TSR1: variants seen among roughly 807,000 people sequenced by gnomAD.
TSR1 encodes the protein pre-rRNA-processing protein TSR1 homolog.
Under a neutral mutation model 90.9 loss-of-function variants are expected in TSR1, and 81 were observed. That is an observed-to-expected ratio of 0.89 (90% CI 0.74 to 1.07). TSR1 has a LOEUF of 1.07. TSR1 is among the 50% of genes least tolerant of loss of function. The pLI is 0.00. For synonymous variants in TSR1, 362 were observed against 348.8 expected (o/e 1.04, Z -0.42); for missense variants, 989 against 987.3 (o/e 1.00, Z -0.02).
Position 2,324,250 on chromosome 17 carries a change from T to TA in TSR1, c.2360dup (p.Pro788ThrfsTer6). On this transcript the variant is annotated frameshift_variant, in exon 15 of 15. Coordinates refer to ENST00000301364, the MANE Select transcript of TSR1 (RefSeq NM_018128.5). LOFTEE classifies it high-confidence loss of function. ...AAGAAATCTCACTTTTCAGCCAGGG[T>TA]ACTGGTTCTGGTACATATGGATCAT... is the stretch of plus-strand genomic sequence containing the variant. 2 of 1,538,884 alleles carry TA rather than the reference T, an allele frequency of 1.3e-6. No homozygotes were observed. The highest frequency in any genetic ancestry group is 1.7e-6 in the Non-Finnish European group (2 of 1,148,890).
At chr17:2,331,508 A>G (rs1436896866) in intron 8 of TSR1, among the ~76,000 whole-genome samples, 1 of 145,800 alleles carries the variant, frequency 6.9e-6, no homozygotes, top group Non-Finnish European at 1.5e-5. Flanking sequence ...AGTTGTTTAA[A>G]GTGTGTAGCA....
chr17:2,330,481 C>CA (rs1216200740), intron 10 of TSR1, 34 bp downstream of exon 10: 6 of 1,593,206 alleles, frequency 3.8e-6, no homozygotes, highest in Non-Finnish European at 5.2e-6. Context: ...GAAAGTTTCA[C>CA]AACCCCCCAT....
At position 2,324,494 on chromosome 17, in the gene TSR1, G is replaced by A. The variant is rs1395360094; in HGVS notation, c.2236+10C>T. On this transcript the variant is annotated intron_variant, in intron 14 of 14. Coordinates refer to ENST00000301364, the MANE Select transcript of TSR1 (RefSeq NM_018128.5). ...ATGCAGACATGGTCTCAAATCCCGT[G>A]TTTCCTTACCTAAAGGTTCCTTGAT... 4 of 1,614,156 alleles carry A rather than the reference G, an allele frequency of 2.5e-6. No homozygotes were observed. Among genetic ancestry groups the A allele is most frequent in the South Asian group, 1.1e-5 (1 of 91,080 alleles).
At position 2,323,748 on chromosome 17, in the gene TSR1, A is replaced by G. The variant is rs769530524; in HGVS notation, c.*448T>C. The G allele has an allele frequency of 4.3e-6, 7 of 1,614,046 alleles. No homozygotes were observed. The African/African-American group carries it at 9.3e-5, about 22-fold the overall frequency. On this transcript the variant is annotated 3_prime_UTR_variant, in exon 15 of 15. Transcript: ENST00000301364. ...TGCTGTGCTGTCTCAACATTTTCAA[A>G]CTGTTTCCCCAGAAGTAAAGAACAT...
chr17:2,323,063 C>A lies in TSR1; in HGVS notation c.*1133G>T. On this transcript the variant is annotated 3_prime_UTR_variant, in exon 15 of 15. Transcript: ENST00000301364. ...TACAGGTGTGAGCCACCACACCAGG[C>A]CCATATTTTCTTTTAGACATGCAGG... is the stretch of plus-strand genomic sequence containing the variant. 1.4e-6 allele frequency: 2 copies of A among 1,480,904 alleles called. No homozygotes were observed. Among genetic ancestry groups the A allele is most frequent in the South Asian group, 1.2e-5 (1 of 86,940 alleles). 91.7% of individuals were successfully genotyped at this position (1,480,904 alleles called of 1,614,324 possible).
At position 2,334,799 on chromosome 17, in the gene TSR1, G is replaced by T; in HGVS notation, c.654C>A (p.Asp218Glu). 6.2e-7 allele frequency: 1 copy of T among 1,614,232 alleles called. No homozygotes were observed. Among genetic ancestry groups the T allele is most frequent in the Non-Finnish European group, 8.5e-7 (1 of 1,180,046 alleles). Residue 218 changes from aspartate to glutamate, a missense_variant, in exon 5 of 15, where the codon GAC (aspartate) becomes GAA (glutamate). Physicochemically the swap from Asp to Glu is conservative, Grantham distance 45 (BLOSUM62 2). Coordinates refer to ENST00000301364, the MANE Select transcript of TSR1 (RefSeq NM_018128.5). ...GTTGAGTGTCTAACAAGAGGAGTTT[G>T]TCATGCGGAAAGCGCTTCTCCACTG... ...SKAVEKRFPH[D>E]KLLLLDTQQE...
rs2075546497 is a variant in TSR1, at chr17:2,323,038, T to C, written c.*1158A>G. ...CCTCGGGCTCCCAAAGTGTTGGGAT[T>C]ACAGGTGTGAGCCACCACACCAGGC... On this transcript the variant is annotated 3_prime_UTR_variant, in exon 15 of 15. Transcript: ENST00000301364. 11 of 1,277,678 alleles carry C rather than the reference T, an allele frequency of 8.6e-6. No homozygotes were observed. In the South Asian group the frequency reaches 1.4e-4, roughly 16 times the overall value. 79.1% of individuals were successfully genotyped at this position (1,277,678 alleles called of 1,614,324 possible).
intron 11 of TSR1, among the ~76,000 whole-genome samples, chr17:2,327,219 A>G (rs1164617995): frequency 6.6e-5 from 10 of 151,976 alleles, no homozygotes. Flanking sequence ...GAGTTTGAGA[A>G]CAGACTGGCC....
rs185862100 is a variant in TSR1 at position 2,322,484 on chromosome 17, G to A, written c.*1712C>T. The A allele has an allele frequency of 7.7e-4, 117 of 152,262 alleles. No individual in the cohort carries two copies. Among genetic ancestry groups the A allele is most frequent in the African/African-American group, 2.7e-3 (111 of 41,518 alleles). 9.4% of individuals were successfully genotyped at this position (152,262 alleles called of 1,614,324 possible). A position where few individuals can be genotyped will look rare whatever the true frequency, so the allele number is the denominator to read the frequency against. On this transcript the variant is annotated 3_prime_UTR_variant, in exon 15 of 15. Transcript: ENST00000301364. Reference sequence around the variant, plus strand: ...GGAAGGCTCTTACTTGGGCAGAAATGTATTACTTATTGTGCCTATTTTCTT... The same window carrying A: ...GGAAGGCTCTTACTTGGGCAGAAATATATTACTTATTGTGCCTATTTTCTT...
intron 11 of TSR1, 83 bp from the exon 12 acceptor site, chr17:2,325,503 G>T: frequency 9.2e-7 from 1 of 1,088,446 alleles, no homozygotes; most frequent in Non-Finnish European, 1.3e-6. Flanking sequence ...CTGTATTAGT[G>T]CAACTCTTAA....
At chr17:2,336,257 G>A (rs2064078128) in intron 1 of TSR1, 74 bp downstream of exon 1, 1 of 1,593,564 alleles carries the variant, frequency 6.3e-7, no homozygotes, top group Non-Finnish European at 8.6e-7. Context: ...GGAGACAGAA[G>A]CTCAGTCTGG....
In TSR1 at chr17:2,324,118, CTT is replaced by C. The variant is rs1306862000; in HGVS notation, c.*76_*77del. 1.1e-5 allele frequency: 16 copies of C among 1,492,360 alleles called. No individual in the cohort carries two copies. Among genetic ancestry groups the C allele is most frequent in the African/African-American group, 1.4e-5 (1 of 71,202 alleles). 92.4% of individuals were successfully genotyped at this position (1,492,360 alleles called of 1,614,324 possible). On this transcript the variant is annotated 3_prime_UTR_variant, in exon 15 of 15. Coordinates refer to ENST00000301364, the MANE Select transcript of TSR1 (RefSeq NM_018128.5). Reference sequence around the variant, plus strand: ...CTGACAGGCTGACATAGAAAATAAACTTTGCCCAATCACAACTTGTGCCTCCC... The same window carrying C: ...CTGACAGGCTGACATAGAAAATAAACTGCCCAATCACAACTTGTGCCTCCC...
In TSR1 at chr17:2,332,526, G is replaced by C. The variant is rs1294978339; in HGVS notation, c.1306-167C>G. On this transcript the variant is annotated intron_variant, in intron 7 of 14. Coordinates refer to ENST00000301364, the MANE Select transcript of TSR1 (RefSeq NM_018128.5). ...AAAAGCCTCATTCCTGGCAACTACA[G>C]AGTCATTCCTAAGAAACTAACCATA... 2.0e-5 allele frequency among the ~76,000 whole-genome samples: 3 copies of C among 152,266 alleles called. No individual in the cohort carries two copies. In the East Asian group the frequency reaches 5.8e-4, roughly 29 times the overall value.
chr17:2,336,301 G>T, intron 1 of TSR1, 30 bp downstream of exon 1: 1 of 1,613,166 alleles, frequency 6.2e-7, no homozygotes, highest in Non-Finnish European at 8.5e-7. Flanking sequence ...CGGCCAAATA[G>T]CCCTTATTCC....
In TSR1 at chr17:2,329,380, G is replaced by C; in HGVS notation, c.1866C>G (p.Arg622=). 1 of 1,614,206 alleles carries C rather than the reference G, an allele frequency of 6.2e-7. No homozygotes were observed. Among genetic ancestry groups the C allele is most frequent in the Non-Finnish European group, 8.5e-7 (1 of 1,180,040 alleles). Residue 622 remains arginine, a synonymous_variant, in exon 11 of 15, where the codon CGC becomes CGG. Transcript: ENST00000301364. ...GAGAGAATAAAGGTGAGGCTCGGAA[G>C]CGCCTGAATCCACAGTGAAATATGA... is the stretch of plus-strand genomic sequence containing the variant. The part of the protein sequence containing the change: ...EELIFHCGFR[R]FRASPLFSQH...
At chr17:2,333,474 C>T in intron 6 of TSR1, 83 bp downstream of exon 6, 1 of 1,566,390 alleles carries the variant, frequency 6.4e-7, no homozygotes, top group Non-Finnish European at 8.8e-7. Context: ...CCACTCTATC[C>T]TATAGGGCCC....
intron 14 of TSR1, 25 bp downstream of exon 14, chr17:2,324,479 G>A (rs1298290649): frequency 6.2e-7 from 1 of 1,613,908 alleles, no homozygotes; most frequent in Non-Finnish European, 8.5e-7. Context: ...ATGCAGACAT[G>A]GTCTCAAATC....
At chr17:2,335,990 C>T in intron 2 of TSR1, 47 bp downstream of exon 2, 1 of 1,595,396 alleles carries the variant, frequency 6.3e-7, no homozygotes, top group Non-Finnish European at 8.6e-7. Flanking sequence ...CATTAGCCAC[C>T]TAGAACACCA....
In TSR1 at chr17:2,324,967, A is replaced by T. The variant is rs1016503473; in HGVS notation, c.2021-138T>A. On this transcript the variant is annotated intron_variant, in intron 12 of 14. Coordinates refer to ENST00000301364, the MANE Select transcript of TSR1 (RefSeq NM_018128.5). ...GCCCAATCTGAGGCTAAGATTGGTA[A>T]ACTGTAAGCCCACACTTAACCTTGT... 10 of 944,628 alleles carry T rather than the reference A, an allele frequency of 1.1e-5. No homozygotes were observed. In the African/African-American group the frequency reaches 1.7e-4, roughly 16 times the overall value. The allele number at this position is 944,628 out of a possible 1,614,324, so 58.5% of individuals were successfully genotyped here.
Sources: allele counts gnomAD v4.1 joint callset (sites outside exome capture counted in the v4.1 genomes callset), GRCh38; gene constraint gnomAD v4.1.1; transcripts MANE v1.5; gene names NCBI Gene and HGNC (gene_info 2026-07-23, HGNC 2026-07-21).